The following INTS6 variants were observed in gnomAD, a reference collection of about 807,000 sequenced individuals.
INTS6 encodes the protein DEAD box protein.
INTS6 carries 16 observed loss-of-function variants against 104.9 expected under a neutral mutation model. The observed-to-expected ratio is 0.15, with a 90% CI of 0.10 to 0.23. INTS6 has a LOEUF of 0.23. Among genes scored for constraint, INTS6 ranks in the 10% least tolerant of loss-of-function variants. INTS6 has a pLI of 1.00. For synonymous variants in INTS6, 324 were observed against 358.7 expected (o/e 0.90, Z 1.09); for missense variants, 584 against 1,062.8 (o/e 0.55, Z 6.26).
At chr13:51,396,349 G>A (rs1956338286) in intron 4 of INTS6, among the ~76,000 whole-genome samples, 1 of 152,120 alleles carries the variant, frequency 6.6e-6, no homozygotes. Flanking sequence ...AGAGAGGTTT[G>A]GGGGTTTTTG....
intron 4 of INTS6, among the ~76,000 whole-genome samples, chr13:51,421,564 C>T (rs555852003): frequency 2.2e-4 from 33 of 152,092 alleles, no homozygotes; most frequent in Non-Finnish European, 3.7e-4. Context: ...TACAGTATTA[C>T]ATCTGAAAAG....
intron 10 of INTS6, among the ~76,000 whole-genome samples, chr13:51,380,759 CAT>C (rs1466243432): frequency 8.5e-5 from 13 of 152,176 alleles, no homozygotes; most frequent in Non-Finnish European, 1.6e-4. Flanking sequence ...CAAACTAAAT[CAT>C]GTATTTAATA....
intron 3 of INTS6, chr13:51,450,579 G>C (rs2138179770): frequency 1.0e-6 from 1 of 985,564 alleles, no homozygotes; most frequent in Non-Finnish European, 1.2e-6. Context: ...TTTCAGAATA[G>C]TTATACAACA....
intron 3 of INTS6, chr13:51,446,074 T>C (rs1234007514): frequency 6.6e-6 from 1 of 152,090 alleles, no homozygotes; most frequent in Non-Finnish European, 1.5e-5. Context: ...AATATGTAAC[T>C]GGACCATACA....
chr13:51,390,936 G>A lies in INTS6; in HGVS notation c.614-1492C>T, dbSNP rs146664404. Among the ~76,000 whole-genome samples the A allele has an allele frequency of 2.8e-4, 43 of 152,216 alleles. No homozygotes were observed. In the South Asian group the frequency reaches 4.6e-3, roughly 16 times the overall value. ...TTACAAATGAGAACACTAAGGCACA[G>A]AGAGGCTAACTAACTTTTCCAAGTT... On this transcript the variant is annotated intron_variant, in intron 5 of 17. Transcript: ENST00000311234.
At chr13:51,384,759 T>C (rs1011452174) in intron 7 of INTS6, 4 of 452,078 alleles carry the variant, frequency 8.8e-6, no homozygotes, top group Non-Finnish European at 1.8e-5. Flanking sequence ...CACATAAACA[T>C]GGTAGGTAGT....
Position 51,369,384 on chromosome 13 carries a change from A to G in INTS6, c.2105-74T>C, listed in dbSNP as rs117547413. The G allele has an allele frequency of 3.1e-3, 4,401 of 1,404,730 alleles. 14 individuals carry two copies. The highest frequency in any genetic ancestry group is 3.8e-3 in the Non-Finnish European group (3,923 of 1,042,224). 87.0% of individuals were successfully genotyped at this position (1,404,730 alleles called of 1,614,324 possible). A position where few individuals can be genotyped will look rare whatever the true frequency, so the allele number is the denominator to read the frequency against. On this transcript the variant is annotated intron_variant, in intron 15 of 17. Coordinates refer to ENST00000311234, the MANE Select transcript of INTS6 (RefSeq NM_012141.3). ...ATACAGTAAATAAAGCTACAAAAGA[A>G]CATTACTACAGCAAGTCAACTGTTT...
At chr13:51,418,073 T>A (rs1956825837) in intron 4 of INTS6, among the ~76,000 whole-genome samples, 1 of 152,188 alleles carries the variant, frequency 6.6e-6, no homozygotes, top group Non-Finnish European at 1.5e-5. Flanking sequence ...TTGTAAACAA[T>A]AAAAGTTAAA....
chr13:51,406,480 C>G (rs1956569207), intron 4 of INTS6, among the ~76,000 whole-genome samples: 1 of 152,124 alleles, frequency 6.6e-6, no homozygotes, highest in South Asian at 2.1e-4. Flanking sequence ...TTCTTACACC[C>G]CCAACTGCAT....
chr13:51,369,582 T>A (rs1296652233), intron 15 of INTS6, among the ~76,000 whole-genome samples: 2 of 152,202 alleles, frequency 1.3e-5, no homozygotes, highest in South Asian at 4.1e-4. Context: ...TGGTTTATTC[T>A]ATAGCAATTT....
At chr13:51,335,339 G>T in the INTS6 span, among the ~76,000 whole-genome samples, 1 of 152,164 alleles carries the variant, frequency 6.6e-6, no homozygotes, top group South Asian at 2.1e-4. Context: ...TGGATAGAGG[G>T]TATAAATGGG....
At chr13:51,394,336 T>A (rs1956296707) in intron 5 of INTS6, among the ~76,000 whole-genome samples, 1 of 152,238 alleles carries the variant, frequency 6.6e-6, no homozygotes, top group Admixed American at 6.5e-5. Flanking sequence ...TCTATCTATT[T>A]CACACACCTG....
intron 4 of INTS6, among the ~76,000 whole-genome samples, chr13:51,415,887 A>C (rs562516293): frequency 9.2e-5 from 14 of 152,314 alleles, no homozygotes; most frequent in African/African-American, 2.4e-4. Flanking sequence ...TCTAAAACTA[A>C]ACCAGTAACA....
intron 3 of INTS6, chr13:51,449,033 T>C (rs1274052697): frequency 6.6e-6 from 1 of 152,222 alleles, no homozygotes; most frequent in Non-Finnish European, 1.5e-5. Context: ...CATGAAATGT[T>C]TAAATCAGAT....
rs1955670824 is a variant in INTS6 at position 51,365,696 on chromosome 13, T to C, written c.*56A>G. 2 of 968,872 alleles carry C rather than the reference T, an allele frequency of 2.1e-6. No individual in the cohort carries two copies. The highest frequency in any genetic ancestry group is 3.1e-6 in the Non-Finnish European group (2 of 636,098). The allele number at this position is 968,872 out of a possible 1,614,324, so 60.0% of individuals were successfully genotyped here. ...TGAATGCAAGATCACAACAGTCTTG[T>C]ATTTACTTTGTATTTGAAGAAGATA... On this transcript the variant is annotated 3_prime_UTR_variant, in exon 18 of 18. Coordinates refer to ENST00000311234, the MANE Select transcript of INTS6 (RefSeq NM_012141.3).
At chr13:51,415,562 T>C (rs1443319111) in intron 4 of INTS6, among the ~76,000 whole-genome samples, 2 of 152,184 alleles carry the variant, frequency 1.3e-5, no homozygotes, top group Non-Finnish European at 2.9e-5. Context: ...CTTTGCCTGC[T>C]GCCACCCATG....
intron 4 of INTS6, among the ~76,000 whole-genome samples, chr13:51,402,158 AAAC>A (rs1956451858): frequency 1.3e-5 from 2 of 152,184 alleles, no homozygotes; most frequent in Admixed American, 1.3e-4. Flanking sequence ...CAATAACAAT[AAAC>A]AACAATAGCT....
At chr13:51,417,491 G>C (rs1956811023) in intron 4 of INTS6, among the ~76,000 whole-genome samples, 1 of 129,506 alleles carries the variant, frequency 7.7e-6, no homozygotes, top group Non-Finnish European at 1.6e-5. Flanking sequence ...GTCTTGCTCT[G>C]TCACCCAGGC....
At chr13:51,439,935 TG>T (rs1952762024) in intron 3 of INTS6, 1 of 151,834 alleles carries the variant, frequency 6.6e-6, no homozygotes, top group African/African-American at 2.4e-5. Flanking sequence ...GAAAAATGAG[TG>T]TAAGTCTTAG....
Sources: allele counts gnomAD v4.1 joint callset (sites outside exome capture counted in the v4.1 genomes callset), GRCh38; gene constraint gnomAD v4.1.1; transcripts MANE v1.5; gene names NCBI Gene and HGNC (gene_info 2026-07-23, HGNC 2026-07-21).